Variants in FAT3 observed in about 807,000 individuals in gnomAD.
FAT3 encodes FAT atypical cadherin 3.
FAT3 carries 95 observed loss-of-function variants against 310.2 expected under a neutral mutation model. The ratio of observed to expected loss-of-function variants is 0.31; its 90% CI spans 0.26 to 0.36. FAT3 has a LOEUF of 0.36. Ranked by LOEUF, FAT3 falls within the 10% of genes least tolerant of loss-of-function variation. The pLI is 1.00. For synonymous variants in FAT3, 2,314 were observed against 2,192.9 expected, an observed-to-expected ratio of 1.06 and a Z score of -1.54; for missense variants, 5,408 against 5,715.6, an observed-to-expected ratio of 0.95 and a Z score of 1.74.
At chr11:92,246,723 C>A (rs924325410) in intron 1 of FAT3, among the ~76,000 whole-genome samples, 1 of 152,060 alleles carries the variant, frequency 6.6e-6, no homozygotes, top group Admixed American at 6.6e-5. Context: ...GCTTACCAGG[C>A]AGCACCAGGG....
At chr11:92,803,593 A>G (rs768025047) in intron 10 of FAT3, among the ~76,000 whole-genome samples, 4 of 152,196 alleles carry the variant, frequency 2.6e-5, no homozygotes, top group South Asian at 2.1e-4. Flanking sequence ...CCACACCGCT[A>G]TTGACATATG....
In FAT3 at chr11:92,344,197, T is replaced by C. The variant is rs368644518; in HGVS notation, c.-17-7899T>C. ...GTTTCACTTCCCAATGTCTCACTTATCCACTGCCAACCACTGTCCCAACAT... is the reference window on the plus strand; with the variant it reads ...GTTTCACTTCCCAATGTCTCACTTACCCACTGCCAACCACTGTCCCAACAT... On this transcript the variant is annotated intron_variant, in intron 1 of 27. Transcript: ENST00000525166. 3.4e-4 allele frequency among the ~76,000 whole-genome samples: 52 copies of C among 152,310 alleles called. No homozygotes were observed. The South Asian group carries it at 0.011, about 31-fold the overall frequency.
At chr11:92,522,593 T>C (rs1953722711) in intron 2 of FAT3, among the ~76,000 whole-genome samples, 1 of 152,080 alleles carries the variant, frequency 6.6e-6, no homozygotes, top group Non-Finnish European at 1.5e-5. Context: ...ACCAGGCAAA[T>C]TGTCCTAACT....
Position 92,252,289 on chromosome 11 carries a change from G to C in FAT3, c.-18+27115G>C, listed in dbSNP as rs539123075. On this transcript the variant is annotated intron_variant, in intron 1 of 27. Transcript: ENST00000525166. ...TTTTGCACAACCCTTGGAATTGAGA[G>C]CTCTTTCTATTAAGTTGTGTGTCTG... Among the ~76,000 whole-genome samples, 7 of 152,216 alleles carry C rather than the reference G, an allele frequency of 4.6e-5. No homozygotes were observed. In the South Asian group the frequency reaches 1.5e-3, roughly 32 times the overall value.
At chr11:92,655,505 T>C (rs1362605257) in intron 3 of FAT3, among the ~76,000 whole-genome samples, 1 of 152,208 alleles carries the variant, frequency 6.6e-6, no homozygotes, top group Non-Finnish European at 1.5e-5. Context: ...AATCATTACA[T>C]AAAACTCTCA....
At chr11:92,389,765 C>T (rs1448514755) in intron 2 of FAT3, among the ~76,000 whole-genome samples, 1 of 152,138 alleles carries the variant, frequency 6.6e-6, no homozygotes, top group African/African-American at 2.4e-5. Context: ...CCGATGATCA[C>T]ATGAGTGTCA....
chr11:92,266,651 A>G (rs570563462), intron 1 of FAT3, among the ~76,000 whole-genome samples: 1 of 152,240 alleles, frequency 6.6e-6, no homozygotes, highest in East Asian at 1.9e-4. Context: ...TGGCTGAAAA[A>G]GCCTTTTTGC....
intron 2 of FAT3, among the ~76,000 whole-genome samples, chr11:92,506,437 G>T (rs894422240): frequency 6.6e-6 from 1 of 152,102 alleles, no homozygotes; most frequent in Non-Finnish European, 1.5e-5. Flanking sequence ...GCTTCAGTGA[G>T]CCAGCTTTCC....
intron 3 of FAT3, among the ~76,000 whole-genome samples, chr11:92,618,437 G>A (rs561149212): frequency 6.6e-6 from 1 of 152,148 alleles, no homozygotes. Flanking sequence ...CCAGGGTGAG[G>A]CAATGCCCCG....
chr11:92,764,476 G>C lies in FAT3; in HGVS notation c.3985-403G>C, dbSNP rs367834029. 9.9e-5 allele frequency among the ~76,000 whole-genome samples: 15 copies of C among 152,202 alleles called. No individual in the cohort carries two copies. The East Asian group carries it at 2.9e-3, about 29-fold the overall frequency. On this transcript the variant is annotated intron_variant, in intron 5 of 27. Transcript: ENST00000525166. ...GCACGTATCATTCACACATATATAAGGTTTCACAATGCACTTTCTTCCCTT... is the reference window on the plus strand; with the variant it reads ...GCACGTATCATTCACACATATATAACGTTTCACAATGCACTTTCTTCCCTT...
intron 3 of FAT3, among the ~76,000 whole-genome samples, chr11:92,561,412 T>C (rs1955222090): frequency 6.6e-6 from 1 of 152,110 alleles, no homozygotes; most frequent in African/African-American, 2.4e-5. Context: ...TTAATATTCA[T>C]AAAATTTCCA....
chr11:92,844,317 C>A lies in FAT3; in HGVS notation c.10950C>A (p.Thr3650=), dbSNP rs779965966. 6.2e-7 allele frequency: 1 copy of A among 1,613,944 alleles called. No individual in the cohort carries two copies. Among genetic ancestry groups the A allele is most frequent in the East Asian group, 2.2e-5 (1 of 44,884 alleles). Residue 3650 remains threonine, a synonymous_variant, in exon 19 of 28, where the codon ACC becomes ACA. Transcript: ENST00000525166. ...LVHEMLQNTV[T]IRFENVSPED... Reference sequence around the variant, plus strand: ...ATGAGATGCTGCAGAACACTGTCACCATCCGCTTTGAAAATGTGTCCCCTG... The same window carrying A: ...ATGAGATGCTGCAGAACACTGTCACAATCCGCTTTGAAAATGTGTCCCCTG...
chr11:92,815,705 A>T (rs562305884), intron 13 of FAT3, among the ~76,000 whole-genome samples: 15 of 152,240 alleles, frequency 9.9e-5, no homozygotes, highest in Non-Finnish European at 1.8e-4. Context: ...AATTTCAAAC[A>T]TGGGCACCAG....
At chr11:92,603,058 T>A (rs762232069) in intron 3 of FAT3, among the ~76,000 whole-genome samples, 11 of 152,316 alleles carry the variant, frequency 7.2e-5, no homozygotes, top group Non-Finnish European at 1.5e-4. Flanking sequence ...GGGTGATAAA[T>A]CATTTAACCC....
chr11:92,508,960 T>G (rs1953201696), intron 2 of FAT3, among the ~76,000 whole-genome samples: 1 of 152,184 alleles, frequency 6.6e-6, no homozygotes, highest in Non-Finnish European at 1.5e-5. Context: ...TTCAAAGTTT[T>G]GTGGACAAAT....
intron 2 of FAT3, among the ~76,000 whole-genome samples, chr11:92,448,832 CT>C (rs1320333496): frequency 6.6e-6 from 1 of 152,180 alleles, no homozygotes; most frequent in Non-Finnish European, 1.5e-5. Context: ...TTTAGAGCCA[CT>C]GATCTCTGAA....
At position 92,354,357 on chromosome 11, in the gene FAT3, A is replaced by G. The variant is rs1174800720; in HGVS notation, c.2245A>G (p.Lys749Glu). ...LPVGANILKI[K>E]AYDADSGFNG... ...AGTTGGTGCTAACATTCTGAAGATT[A>G]AAGCCTATGATGCCGACTCTGGCTT... is the stretch of plus-strand genomic sequence containing the variant. The change falls in exon 2 of 28, where the codon AAA becomes GAA. Residue 749 changes from lysine to glutamate, a missense_variant. Physicochemically the swap from Lys to Glu is moderately conservative, Grantham distance 56 (BLOSUM62 1). Transcript: ENST00000525166. The G allele has an allele frequency of 1.2e-6, 2 of 1,613,946 alleles. No individual in the cohort carries two copies. Among genetic ancestry groups the G allele is most frequent in the Admixed American group, 3.3e-5 (2 of 60,004 alleles).
chr11:92,824,361 A>AG (rs887563210), intron 13 of FAT3, among the ~76,000 whole-genome samples: 3 of 152,182 alleles, frequency 2.0e-5, no homozygotes, highest in African/African-American at 7.2e-5. Context: ...TGTCTCAAAA[A>AG]AAAGAAAGAA....
At chr11:92,349,785 A>G (rs1242794207) in intron 1 of FAT3, among the ~76,000 whole-genome samples, 1 of 152,108 alleles carries the variant, frequency 6.6e-6, no homozygotes, top group African/African-American at 2.4e-5. Context: ...TCCCTTTTTC[A>G]GCTTTTCATT....
Sources: allele counts gnomAD v4.1 joint callset (sites outside exome capture counted in the v4.1 genomes callset), GRCh38; gene constraint gnomAD v4.1.1; transcripts MANE v1.5; gene names NCBI Gene and HGNC (gene_info 2026-07-23, HGNC 2026-07-21).